Variants in MFSD6 observed in about 807,000 individuals in gnomAD.
MFSD6 encodes the protein major facilitator superfamily domain containing 6, also known as major facilitator superfamily domain-containing protein 6.
In MFSD6, 26 loss-of-function variants were observed where a neutral mutation model predicts 56.3. The ratio of observed to expected loss-of-function variants is 0.46; its 90% CI spans 0.34 to 0.64. The LOEUF (loss-of-function observed/expected upper bound fraction) is 0.64. MFSD6 is among the 30% of genes least tolerant of loss of function. MFSD6 has a pLI of 0.01. For synonymous variants in MFSD6, 331 were observed against 366.9 expected, an observed-to-expected ratio of 0.90 and a Z score of 1.12; for missense variants, 750 against 986.2, an observed-to-expected ratio of 0.76 and a Z score of 3.21.
chr2:190,412,949 G>C lies in MFSD6; in HGVS notation c.-175-2343G>C, dbSNP rs1690620277. On this transcript the variant is annotated intron_variant, in intron 1 of 7. Transcript: ENST00000392328. This position sits in a 1 kb window ranked among gnomAD's most constrained non-coding sequence, Gnocchi z 4.1. ...TTCAGACAAGTGATGTTTGGTGCAG[G>C]GGCCAAAACAGAAAAGCCAACCAAA... Among the ~76,000 whole-genome samples the C allele has an allele frequency of 6.6e-6, 1 of 152,092 alleles. No homozygotes were observed. The highest frequency in any genetic ancestry group is 2.4e-5 in the African/African-American group (1 of 41,412).
At chr2:190,411,795 C>G in intron 1 of MFSD6, 1 of 985,252 alleles carries the variant, frequency 1.0e-6, no homozygotes, top group South Asian at 4.7e-5. Context: ...GTAACTGTAG[C>G]ATATTCTACA....
rs1358975852 is a variant in MFSD6, at chr2:190,489,080, GC to G, written c.1792+264del. Among the ~76,000 whole-genome samples the G allele has an allele frequency of 6.6e-6, 1 of 152,172 alleles. No individual in the cohort carries two copies. The highest frequency in any genetic ancestry group is 2.1e-4 in the South Asian group (1 of 4,832). On this transcript the variant is annotated intron_variant, in intron 5 of 7. Transcript: ENST00000392328. This position sits in a 1 kb window ranked among gnomAD's most constrained non-coding sequence, Gnocchi z 6.6. ...GATGCTACAGAGATCCCTCAAAGGA[GC>G]CAAACAAATGAATTAGCATGAGTGC...
intron 4 of MFSD6, among the ~76,000 whole-genome samples, chr2:190,482,984 C>T (rs958803720): frequency 1.4e-5 from 2 of 141,730 alleles, no homozygotes; most frequent in Non-Finnish European, 3.0e-5. Context: ...CTCTGCTTCC[C>T]GGGTTCACGC....
intron 1 of MFSD6, among the ~76,000 whole-genome samples, chr2:190,409,803 C>G (rs1011139250): frequency 6.6e-6 from 1 of 152,178 alleles, no homozygotes; most frequent in African/African-American, 2.4e-5. Context: ...TGGCTTTTGA[C>G]ACGTCAAGCT....
At position 190,457,022 on chromosome 2, in the gene MFSD6, G is replaced by A. The variant is rs756540700; in HGVS notation, c.1533-12736G>A. On this transcript the variant is annotated intron_variant, in intron 3 of 7. Transcript: ENST00000392328. The surrounding 1 kb of genome is among the most constrained non-coding windows in gnomAD (Gnocchi z 5.1). ...AACGTTCATCCAGCTTCCTTAATCC[G>A]CGCGCACAGCTGAGTTCAGAAGTCC... 1.3e-5 allele frequency among the ~76,000 whole-genome samples: 2 copies of A among 152,174 alleles called. No individual in the cohort carries two copies. The highest frequency in any genetic ancestry group is 2.4e-5 in the African/African-American group (1 of 41,510).
Position 190,412,070 on chromosome 2 carries a change from CATA to C in MFSD6, c.-175-3220_-175-3218del, listed in dbSNP as rs1478020513. The C allele has an allele frequency of 3.0e-6, 3 of 984,800 alleles. No individual in the cohort carries two copies. The allele number at this position is 984,800 out of a possible 1,614,324, so 61.0% of individuals were successfully genotyped here. The stretch of plus-strand genomic sequence containing the variant: ...TAACAATTTAGGAGAAGCAAGTTAT[CATA>C]AAGTTAAACTAATCTGATGCATATG... On this transcript the variant is annotated intron_variant, in intron 1 of 7. Coordinates refer to ENST00000392328, the MANE Select transcript of MFSD6 (RefSeq NM_017694.4). The surrounding 1 kb of genome is among the most constrained non-coding windows in gnomAD (Gnocchi z 4.1).
rs1447511785 is a variant in MFSD6 at position 190,498,490 on chromosome 2, G to T, written c.2172+771G>T. On this transcript the variant is annotated intron_variant, in intron 7 of 7. Coordinates refer to ENST00000392328, the MANE Select transcript of MFSD6 (RefSeq NM_017694.4). This position sits in a 1 kb window ranked among gnomAD's most constrained non-coding sequence, Gnocchi z 5.9. ...GAGTAATTCCCCTTTCAGAAAATTT[G>T]TTGAACTGTTAATTAATCTCACTTT... 6.6e-6 allele frequency among the ~76,000 whole-genome samples: 1 copy of T among 152,144 alleles called. No individual in the cohort carries two copies. The highest frequency in any genetic ancestry group is 2.4e-5 in the African/African-American group (1 of 41,436).
At position 190,431,055 on chromosome 2, in the gene MFSD6, A is replaced by C. The variant is rs1685974140; in HGVS notation, c.-53-4922A>C. ...TCGCGGCCGGGCAGAGGCGCTCCTC[A>C]CCTCCCAGACGGGGTCGCAGCCGGG... On this transcript the variant is annotated intron_variant, in intron 2 of 7. Transcript: ENST00000392328. The surrounding 1 kb of genome is among the most constrained non-coding windows in gnomAD (Gnocchi z 4.4). 7.5e-6 allele frequency among the ~76,000 whole-genome samples: 1 copy of C among 132,660 alleles called. No individual in the cohort carries two copies. The highest frequency in any genetic ancestry group is 2.9e-5 in the African/African-American group (1 of 34,528). The allele number at this position is 132,660 out of a possible 152,430, so 87.0% of individuals were successfully genotyped here.
chr2:190,488,639 G>GCTCTTCTTC lies in MFSD6; in HGVS notation c.1631-13_1631-5dup, dbSNP rs1438762030. 1.4e-6 allele frequency: 2 copies of GCTCTTCTTC among 1,480,472 alleles called. No homozygotes were observed. Among genetic ancestry groups the GCTCTTCTTC allele is most frequent in the African/African-American group, 2.9e-5 (2 of 69,596 alleles). 91.7% of individuals were successfully genotyped at this position (1,480,472 alleles called of 1,614,324 possible). A position where few individuals can be genotyped will look rare whatever the true frequency, so the allele number is the denominator to read the frequency against. On this transcript the variant is annotated splice_polypyrimidine_tract_variant and intron_variant, in intron 4 of 7. Coordinates refer to ENST00000392328, the MANE Select transcript of MFSD6 (RefSeq NM_017694.4). The surrounding 1 kb of genome is among the most constrained non-coding windows in gnomAD (Gnocchi z 6.4). ...AAATGCTAACCAACTAATCCCTCCT[G>GCTCTTCTTC]CTCTTCTTCCTCTCCAGGAGTGACA...
chr2:190,462,907 C>A lies in MFSD6; in HGVS notation c.1533-6851C>A, dbSNP rs760573425. On this transcript the variant is annotated intron_variant, in intron 3 of 7. Transcript: ENST00000392328. This position sits in a 1 kb window ranked among gnomAD's most constrained non-coding sequence, Gnocchi z 5.7. ...CTCCTCTCCTCTCTGGCCACTCTTA[C>A]CACCATTCTAGCACTAGAGGAGGGT... Among the ~76,000 whole-genome samples the A allele has an allele frequency of 6.6e-6, 1 of 152,212 alleles. No homozygotes were observed. Among genetic ancestry groups the A allele is most frequent in the Non-Finnish European group, 1.5e-5 (1 of 68,040 alleles).
At chr2:190,470,277 A>G (rs995061406) in intron 4 of MFSD6, among the ~76,000 whole-genome samples, 17 of 152,204 alleles carry the variant, frequency 1.1e-4, no homozygotes, top group Non-Finnish European at 2.4e-4. Context: ...AGTTATTTTT[A>G]TCACATCTGG....
chr2:190,437,999 GC>G lies in MFSD6; in HGVS notation c.1532+440del, dbSNP rs1268090071. ...TCAGCCACTTGCTGACATAGATAGA[GC>G]CTGAATATATGGCATCTAAAGATGT... On this transcript the variant is annotated intron_variant, in intron 3 of 7. Coordinates refer to ENST00000392328, the MANE Select transcript of MFSD6 (RefSeq NM_017694.4). The surrounding 1 kb of genome is among the most constrained non-coding windows in gnomAD (Gnocchi z 5.9). Among the ~76,000 whole-genome samples the G allele has an allele frequency of 6.6e-6, 1 of 151,512 alleles. No individual in the cohort carries two copies. The highest frequency in any genetic ancestry group is 1.5e-5 in the Non-Finnish European group (1 of 67,992).
At position 190,436,710 on chromosome 2, in the gene MFSD6, G is replaced by A. The variant is rs1229586109; in HGVS notation, c.681G>A (p.Gln227=). Residue 227 remains glutamine, a synonymous_variant, in exon 3 of 8, where the codon CAG becomes CAA. Transcript: ENST00000392328. This position sits in a 1 kb window ranked among gnomAD's most constrained non-coding sequence, Gnocchi z 5.3. ...ACATGAACAGTGAACCCACTCTGCA[G>A]CCCCAGACAGGTGAAATTACTAACC... is the stretch of plus-strand genomic sequence containing the variant. ...APNMNSEPTL[Q]PQTGEITNRM... The A allele has an allele frequency of 6.2e-7, 1 of 1,614,060 alleles. No individual in the cohort carries two copies. Among genetic ancestry groups the A allele is most frequent in the African/African-American group, 1.3e-5 (1 of 74,922 alleles).
At chr2:190,474,210 A>T (rs199770859) in intron 4 of MFSD6, among the ~76,000 whole-genome samples, 34,250 of 152,022 alleles carry the variant, frequency 0.23, 4,937 homozygotes, top group South Asian at 0.34. Flanking sequence ...AGAAATAACT[A>T]AGATCAGAGC....
Position 190,490,480 on chromosome 2 carries a change from G to A in MFSD6, c.1891+614G>A, listed in dbSNP as rs1276540094. Among the ~76,000 whole-genome samples, 3 of 151,824 alleles carry A rather than the reference G, an allele frequency of 2.0e-5. No individual in the cohort carries two copies. Among genetic ancestry groups the A allele is most frequent in the Non-Finnish European group, 2.9e-5 (2 of 67,926 alleles). ...CAGGAGGCTGAGGCAGGAGAATGGC[G>A]TGAACCCAGGAGGTGGAGCTTGCAG... On this transcript the variant is annotated intron_variant, in intron 6 of 7. Coordinates refer to ENST00000392328, the MANE Select transcript of MFSD6 (RefSeq NM_017694.4). This position sits in a 1 kb window ranked among gnomAD's most constrained non-coding sequence, Gnocchi z 4.5.
Position 190,497,545 on chromosome 2 carries a change from G to T in MFSD6, c.1998G>T (p.Glu666Asp), listed in dbSNP as rs1459813521. The T allele has an allele frequency of 6.2e-7, 1 of 1,614,206 alleles. No individual in the cohort carries two copies. The highest frequency in any genetic ancestry group is 1.7e-5 in the Admixed American group (1 of 60,016). Residue 666 changes from glutamate (E) to aspartate (D), a missense_variant, in exon 7 of 8, where the codon GAG becomes GAT. Glu to Asp is a conservative substitution (Grantham distance 45). This residue lies in a region of MFSD6 where 172 missense variants were observed against 203.9 expected (regional missense o/e 0.84). Coordinates refer to ENST00000392328, the MANE Select transcript of MFSD6 (RefSeq NM_017694.4). This position sits in a 1 kb window ranked among gnomAD's most constrained non-coding sequence, Gnocchi z 5.2. ...CAGAAGATGTCATGCCACGCATTGA[G>T]CCCAGACTTCCACCCAAGAAAACTA... Reference protein sequence around the residue: ...QQTEDVMPRIEPRLPPKKTKH... With the variant: ...QQTEDVMPRIDPRLPPKKTKH...
chr2:190,498,788 C>T lies in MFSD6; in HGVS notation c.2172+1069C>T, dbSNP rs1480456625. ...ATTTTCATTACTTTGTGTACTCATCCTCATTTTCACAGAAGCCACATAAAA... is the reference window on the plus strand; with the variant it reads ...ATTTTCATTACTTTGTGTACTCATCTTCATTTTCACAGAAGCCACATAAAA... On this transcript the variant is annotated intron_variant, in intron 7 of 7. Transcript: ENST00000392328. The surrounding 1 kb of genome is among the most constrained non-coding windows in gnomAD (Gnocchi z 5.9). Among the ~76,000 whole-genome samples, 1 of 152,146 alleles carries T rather than the reference C, an allele frequency of 6.6e-6. No homozygotes were observed. Among genetic ancestry groups the T allele is most frequent in the Non-Finnish European group, 1.5e-5 (1 of 68,030 alleles).
chr2:190,493,301 T>C (rs564793487), intron 6 of MFSD6, among the ~76,000 whole-genome samples: 4 of 152,236 alleles, frequency 2.6e-5, no homozygotes, highest in Non-Finnish European at 4.4e-5. Context: ...CATTATATAA[T>C]GATAAAAGGC....
intron 3 of MFSD6, among the ~76,000 whole-genome samples, chr2:190,448,297 A>AT (rs1335326436): frequency 2.0e-5 from 3 of 152,198 alleles, no homozygotes; most frequent in South Asian, 2.1e-4. Context: ...TAAAAATTAC[A>AT]TTTTTTAGAT....
Sources: gnomAD v4.1 joint callset for allele counts (sites outside exome capture counted in the v4.1 genomes callset) on GRCh38, gnomAD v4.1.1 for gene constraint, gnomAD v4.1.1 regional missense constraint, Gnocchi (gnomAD v3.1) non-coding constraint, MANE v1.5 for transcripts, NCBI Gene and HGNC (gene_info 2026-07-23, HGNC 2026-07-21) for gene names.